Variants in CABCOCO1 observed in about 807,000 individuals in gnomAD.
The protein encoded by CABCOCO1 is ciliary-associated calcium-binding coiled-coil protein 1.
In CABCOCO1, 28 loss-of-function variants were observed where a neutral mutation model predicts 35.7. That is an observed-to-expected ratio of 0.78 (90% CI 0.58 to 1.07). The LOEUF (loss-of-function observed/expected upper bound fraction) is 1.07, where lower values mean the gene tolerates loss of function less well. Ranked by LOEUF, CABCOCO1 falls within the 50% of genes least tolerant of loss-of-function variation. The pLI is 0.00. For missense variants in CABCOCO1, 326 were observed against 309.2 expected (o/e 1.05, Z -0.41); for synonymous variants, 95 against 100.1 (o/e 0.95, Z 0.30).
chr10:61,681,589 G>T (rs1315803596), intron 3 of CABCOCO1, among the ~76,000 whole-genome samples: 1 of 151,986 alleles, frequency 6.6e-6, no homozygotes, highest in Non-Finnish European at 1.5e-5. Context: ...AATATCTGAG[G>T]ACTCTGTGGT....
intron 5 of CABCOCO1, among the ~76,000 whole-genome samples, chr10:61,723,967 C>T (rs1841083224): frequency 6.6e-6 from 1 of 152,074 alleles, no homozygotes; most frequent in Admixed American, 6.5e-5. Flanking sequence ...AAAAAAGTAG[C>T]ATTCAGTATG....
intron 5 of CABCOCO1, among the ~76,000 whole-genome samples, chr10:61,695,903 TACAA>T (rs1023620816): frequency 6.6e-6 from 1 of 152,016 alleles, no homozygotes; most frequent in Admixed American, 6.6e-5. Context: ...GTACATTTAT[TACAA>T]ACAGAAACAC....
At chr10:61,667,558 CAA>C (rs1314998056) in intron 1 of CABCOCO1, among the ~76,000 whole-genome samples, 4 of 151,642 alleles carry the variant, frequency 2.6e-5, no homozygotes, top group African/African-American at 7.3e-5. Context: ...TCTCTTTTAT[CAA>C]GTCTTGTTCT....
chr10:61,761,245 C>T (rs1022927020), intron 7 of CABCOCO1, among the ~76,000 whole-genome samples: 4 of 151,618 alleles, frequency 2.6e-5, no homozygotes, highest in Non-Finnish European at 5.9e-5. Flanking sequence ...ACAACAAAAC[C>T]CAAAAAATAA....
chr10:61,763,083 G>A (rs887061063), intron 7 of CABCOCO1, among the ~76,000 whole-genome samples: 1 of 152,024 alleles, frequency 6.6e-6, no homozygotes, highest in African/African-American at 2.4e-5. Flanking sequence ...CCGACCTGCT[G>A]TAGGAATATT....
intron 2 of CABCOCO1, among the ~76,000 whole-genome samples, chr10:61,679,299 C>G (rs1839625423): frequency 8.4e-6 from 1 of 118,906 alleles, no homozygotes; most frequent in South Asian, 2.5e-4. Context: ...ATATCTATAT[C>G]TATATCTATA....
At chr10:61,680,317 A>ATATAT (rs768186050) in intron 2 of CABCOCO1, among the ~76,000 whole-genome samples, 53 of 140,492 alleles carry the variant, frequency 3.8e-4, no homozygotes, top group Middle Eastern at 3.6e-3. Flanking sequence ...TCTCAAAAAA[A>ATATAT]ATATATATAT....
chr10:61,691,447 A>G (rs1474167171), intron 5 of CABCOCO1, among the ~76,000 whole-genome samples: 3 of 152,302 alleles, frequency 2.0e-5, no homozygotes, highest in Middle Eastern at 3.4e-3. Context: ...TGTAATTCCT[A>G]GAAATGAATT....
At chr10:61,680,938 A>C (rs896042139) in intron 2 of CABCOCO1, among the ~76,000 whole-genome samples, 4 of 151,042 alleles carry the variant, frequency 2.6e-5, no homozygotes, top group Non-Finnish European at 5.9e-5. Flanking sequence ...GAGGAAGGAG[A>C]CCAGAAATAG....
chr10:61,745,798 A>C (rs1841642942), intron 5 of CABCOCO1, among the ~76,000 whole-genome samples: 1 of 152,196 alleles, frequency 6.6e-6, no homozygotes, highest in Non-Finnish European at 1.5e-5. Context: ...TTTTTCTCAA[A>C]TGTATTTCAA....
At chr10:61,680,808 A>G (rs910634331) in intron 2 of CABCOCO1, among the ~76,000 whole-genome samples, 1 of 144,872 alleles carries the variant, frequency 6.9e-6, no homozygotes, top group Middle Eastern at 3.8e-3. Flanking sequence ...TTAATTTTAT[A>G]AATGAAAAAA....
intron 5 of CABCOCO1, among the ~76,000 whole-genome samples, chr10:61,711,805 A>T (rs990263697): frequency 1.3e-5 from 2 of 152,032 alleles, no homozygotes; most frequent in Non-Finnish European, 2.9e-5. Context: ...AGTAACAGAA[A>T]ATCCCAAATA....
intron 7 of CABCOCO1, 99 bp from the exon 8 acceptor site, chr10:61,765,840 T>C: frequency 1.9e-6 from 2 of 1,069,692 alleles, no homozygotes; most frequent in East Asian, 2.4e-5. Flanking sequence ...TGAGGGATAA[T>C]ATCTGTCTTT....
At chr10:61,757,856 A>T (rs1336764761) in intron 5 of CABCOCO1, among the ~76,000 whole-genome samples, 1 of 152,064 alleles carries the variant, frequency 6.6e-6, no homozygotes, top group African/African-American at 2.4e-5. Context: ...ATTTAAGTGT[A>T]TAATGTGATG....
intron 4 of CABCOCO1, among the ~76,000 whole-genome samples, chr10:61,687,051 GC>G (rs2131988007): frequency 6.6e-6 from 1 of 152,268 alleles, no homozygotes; most frequent in East Asian, 1.9e-4. Flanking sequence ...TCTTAGACAT[GC>G]TCATGATTTG....
Position 61,766,113 on chromosome 10 carries a change from G to A in CABCOCO1, c.*100G>A. On this transcript the variant is annotated 3_prime_UTR_variant, in exon 8 of 8. Coordinates refer to ENST00000648843, the MANE Select transcript of CABCOCO1 (RefSeq NM_001366906.2). ...AGCGTCGTGTCTCCATCACTTAGTT[G>A]TGAAAGGAAAACCAAGCCCCACTTT... The A allele has an allele frequency of 9.0e-7, 1 of 1,108,642 alleles. No individual in the cohort carries two copies. Among genetic ancestry groups the A allele is most frequent in the East Asian group, 2.5e-5 (1 of 40,162 alleles). 68.7% of individuals were successfully genotyped at this position (1,108,642 alleles called of 1,614,324 possible).
At chr10:61,680,638 A>ATG (rs1839724475) in intron 2 of CABCOCO1, among the ~76,000 whole-genome samples, 2 of 68,484 alleles carry the variant, frequency 2.9e-5, no homozygotes, top group Admixed American at 2.1e-4. Context: ...CATGTTATAC[A>ATG]TATATAATAT....
chr10:61,680,640 ATATAATATATATTATGTTAT>A lies in CABCOCO1; in HGVS notation c.165-502_165-483del, dbSNP rs1839725199. Reference sequence around the variant, plus strand: ...TACATAACATATACATGTTATACATATATAATATATATTATGTTATACATGTATAACATATATGTTATACA... The same window carrying A: ...TACATAACATATACATGTTATACATAACATGTATAACATATATGTTATACA... On this transcript the variant is annotated intron_variant, in intron 2 of 7. Coordinates refer to ENST00000648843, the MANE Select transcript of CABCOCO1 (RefSeq NM_001366906.2). 1.5e-3 allele frequency among the ~76,000 whole-genome samples: 41 copies of A among 27,280 alleles called. 3 individuals are homozygous for A. The South Asian group carries it at 0.062, about 41-fold the overall frequency. The allele number at this position is 27,280 out of a possible 152,430, so 17.9% of individuals were successfully genotyped here. A position where few individuals can be genotyped will look rare whatever the true frequency, so the allele number is the denominator to read the frequency against.
intron 1 of CABCOCO1, among the ~76,000 whole-genome samples, chr10:61,671,863 A>T (rs2131954893): frequency 6.6e-6 from 1 of 152,290 alleles, no homozygotes; most frequent in Middle Eastern, 3.4e-3. Context: ...AACTTCTCAG[A>T]CTACCATTCT....
Sources: gnomAD v4.1 joint callset for allele counts (sites outside exome capture counted in the v4.1 genomes callset) on GRCh38, gnomAD v4.1.1 for gene constraint, MANE v1.5 for transcripts, NCBI Gene and HGNC (gene_info 2026-07-23, HGNC 2026-07-21) for gene names.